PXT1: variants seen among roughly 807,000 people sequenced by gnomAD.
PXT1 encodes peroxisomal testis enriched protein 1.
PXT1 carries 11 observed loss-of-function variants against 11.0 expected under a neutral mutation model. The observed-to-expected ratio is 1.00, with a 90% CI of 0.63 to 1.66. The LOEUF (loss-of-function observed/expected upper bound fraction) is 1.66, where lower values mean the gene tolerates loss of function less well. Ranked by LOEUF, PXT1 falls within the 40% of genes most tolerant of loss-of-function variation. PXT1 has a pLI of 0.00. For missense variants in PXT1, 141 were observed against 155.5 expected (o/e 0.91, Z 0.49); for synonymous variants, 43 against 51.4 (o/e 0.84, Z 0.70).
chr6:36,441,708 T>G (rs935203451), intron 1 of PXT1, among the ~76,000 whole-genome samples: 1 of 152,206 alleles, frequency 6.6e-6, no homozygotes, highest in African/African-American at 2.4e-5. Context: ...GCATACTTTA[T>G]AGTCATAAAC....
chr6:36,439,013 T>G (rs1464173193), intron 1 of PXT1, 127 bp from the exon 2 acceptor site: 2 of 152,018 alleles, frequency 1.3e-5, no homozygotes, highest in Non-Finnish European at 2.9e-5. Context: ...TGGAACTTTT[T>G]TTTTTTTGAG....
rs1774599788 is a variant in PXT1 at position 36,425,959 on chromosome 6, G to A, written c.124C>T (p.Gln42Ter). 6.5e-6 allele frequency: 10 copies of A among 1,535,676 alleles called. No individual in the cohort carries two copies. Among genetic ancestry groups the A allele is most frequent in the Non-Finnish European group, 8.7e-6 (10 of 1,146,424 alleles). ...KYSFQKAYMTQLVSSQPVPAM... is the reference protein window; with the variant it reads ...KYSFQKAYMT ...GGAACTGGCTGGGAGCTGACAAGTTGGGTCATGTATGCCTTCTGAAAACTG... is the reference window on the plus strand; with the variant it reads ...GGAACTGGCTGGGAGCTGACAAGTTAGGTCATGTATGCCTTCTGAAAACTG... Residue 42 changes from glutamine to a stop codon, truncating the protein, a stop_gained, in exon 3 of 5, where the codon CAA becomes TAA. Coordinates refer to ENST00000454782, the MANE Select transcript of PXT1 (RefSeq NM_152990.4). LOFTEE classifies it high-confidence loss of function.
chr6:36,429,757 G>A (rs1161109332), intron 2 of PXT1, among the ~76,000 whole-genome samples: 1 of 150,402 alleles, frequency 6.6e-6, no homozygotes, highest in African/African-American at 2.4e-5. Flanking sequence ...CACCCACCTC[G>A]GCCTCCCAAA....
At chr6:36,414,083 C>A (rs1433308452) in intron 3 of PXT1, among the ~76,000 whole-genome samples, 1 of 152,158 alleles carries the variant, frequency 6.6e-6, no homozygotes, top group African/African-American at 2.4e-5. Flanking sequence ...AATTTTTCTT[C>A]CATACACCAT....
intron 4 of PXT1, among the ~76,000 whole-genome samples, chr6:36,398,909 T>A (rs966393863): frequency 2.0e-5 from 3 of 152,146 alleles, no homozygotes; most frequent in African/African-American, 7.2e-5. Flanking sequence ...TGGCTATTTA[T>A]TGTTCATCTG....
intron 4 of PXT1, among the ~76,000 whole-genome samples, chr6:36,398,378 T>C (rs1030739999): frequency 6.6e-6 from 1 of 152,122 alleles, no homozygotes; most frequent in East Asian, 1.9e-4. Context: ...TTCCTAGGTA[T>C]GTACCCCAAA....
At chr6:36,418,936 G>A (rs1774488376) in intron 3 of PXT1, among the ~76,000 whole-genome samples, 2 of 152,214 alleles carry the variant, frequency 1.3e-5, no homozygotes, top group South Asian at 4.1e-4. Flanking sequence ...GGGAGGGCCA[G>A]GGCATTAATT....
Position 36,390,658 on chromosome 6 carries a change from C to A in PXT1, c.*1112G>T, listed in dbSNP as rs569971525. ...ACATATGTAAACTTTTAATTTATAA[C>A]AACAAGCTTTCCTAATATTTATAAT... On this transcript the variant is annotated 3_prime_UTR_variant, in exon 5 of 5. Transcript: ENST00000454782. The A allele has an allele frequency of 6.6e-6, 1 of 152,106 alleles. No homozygotes were observed. Among genetic ancestry groups the A allele is most frequent in the Non-Finnish European group, 1.5e-5 (1 of 68,026 alleles). The allele number at this position is 152,106 out of a possible 1,614,324, so 9.4% of individuals were successfully genotyped here.
intron 2 of PXT1, among the ~76,000 whole-genome samples, chr6:36,434,101 C>A (rs541136473): frequency 6.6e-6 from 1 of 150,818 alleles, no homozygotes; most frequent in East Asian, 2.0e-4. Flanking sequence ...ATTGGGAGCT[C>A]ACTGCAGTGA....
chr6:36,407,102 T>C (rs1341762365), intron 3 of PXT1, among the ~76,000 whole-genome samples: 1 of 152,258 alleles, frequency 6.6e-6, no homozygotes, highest in Admixed American at 6.5e-5. Context: ...AAAAATTAAG[T>C]TCGTGATACT....
In PXT1 at chr6:36,432,722, C is replaced by A. The variant is rs185403695; in HGVS notation, c.-10+6045G>T. 3.3e-5 allele frequency among the ~76,000 whole-genome samples: 5 copies of A among 152,190 alleles called. No individual in the cohort carries two copies. The East Asian group carries it at 7.7e-4, about 24-fold the overall frequency. ...GTAGTCAGGTCTCCCAGAGCCCCAC[C>A]CTATCTAATGTAATCAAGCTATACT... On this transcript the variant is annotated intron_variant, in intron 2 of 4. Transcript: ENST00000454782.
intron 3 of PXT1, among the ~76,000 whole-genome samples, chr6:36,413,339 C>A (rs576753571): frequency 1.3e-5 from 2 of 152,006 alleles, no homozygotes; most frequent in Admixed American, 1.3e-4. Flanking sequence ...ATGGCGTGAA[C>A]CCAGGAGGCG....
chr6:36,412,485 C>T (rs1774388898), intron 3 of PXT1, among the ~76,000 whole-genome samples: 1 of 150,730 alleles, frequency 6.6e-6, no homozygotes, highest in Admixed American at 6.6e-5. Flanking sequence ...CATGGTGAAA[C>T]CCCGTCTCTA....
At chr6:36,409,968 AAAAG>A (rs1554152341) in intron 3 of PXT1, among the ~76,000 whole-genome samples, 14 of 147,028 alleles carry the variant, frequency 9.5e-5, no homozygotes, top group South Asian at 2.1e-4. Context: ...AGAAAGAGAA[AAAAG>A]AAAGAAAGAA....
At chr6:36,437,776 A>G (rs1443606761) in intron 2 of PXT1, among the ~76,000 whole-genome samples, 1 of 144,826 alleles carries the variant, frequency 6.9e-6, no homozygotes, top group Non-Finnish European at 1.5e-5. Flanking sequence ...TCAGCCTCCC[A>G]ATGTGCTGGG....
intron 3 of PXT1, among the ~76,000 whole-genome samples, chr6:36,412,636 G>T (rs1220006081): frequency 7.2e-6 from 1 of 139,076 alleles, no homozygotes; most frequent in Non-Finnish European, 1.5e-5. Flanking sequence ...CTCCAGCCTG[G>T]CAAGAGAGCA....
At chr6:36,402,155 C>A (rs796654437) in intron 3 of PXT1, among the ~76,000 whole-genome samples, 8 of 152,158 alleles carry the variant, frequency 5.3e-5, no homozygotes, top group African/African-American at 1.9e-4. Flanking sequence ...GATGAGCTCT[C>A]CAAACTTTAT....
chr6:36,438,927 T>G lies in PXT1; in HGVS notation c.-129-41A>C, dbSNP rs1175204776. On this transcript the variant is annotated intron_variant, in intron 1 of 4. Coordinates refer to ENST00000454782, the MANE Select transcript of PXT1 (RefSeq NM_152990.4). ...GGGGGATGAAAAGTAAATTATCCCC[T>G]TGGGCTTGCGAAATAAAGTTTACCT... is the stretch of plus-strand genomic sequence containing the variant. 6 of 152,320 alleles carry G rather than the reference T, an allele frequency of 3.9e-5. No individual in the cohort carries two copies. The East Asian group carries it at 1.2e-3, about 29-fold the overall frequency. 9.4% of individuals were successfully genotyped at this position (152,320 alleles called of 1,614,324 possible).
chr6:36,421,321 C>T (rs1176241317), intron 3 of PXT1, among the ~76,000 whole-genome samples: 1 of 151,984 alleles, frequency 6.6e-6, no homozygotes, highest in African/African-American at 2.4e-5. Context: ...ATTAGCTGGG[C>T]CTGATGATGC....
Sources: gnomAD v4.1 joint callset for allele counts (sites outside exome capture counted in the v4.1 genomes callset) on GRCh38, gnomAD v4.1.1 for gene constraint, MANE v1.5 for transcripts, NCBI Gene and HGNC (gene_info 2026-07-23, HGNC 2026-07-21) for gene names.